Variants in NEGR1 observed in about 807,000 individuals in gnomAD.
NEGR1 encodes neuronal growth regulator 1, also known as IgLON family member 4.
Under a neutral mutation model 40.9 loss-of-function variants are expected in NEGR1, and 10 were observed. The observed-to-expected ratio is 0.24, with a 90% CI of 0.15 to 0.42. NEGR1 has a LOEUF of 0.42. NEGR1 is among the 10% of genes least tolerant of loss of function. The pLI is 1.00. For synonymous variants in NEGR1, 185 were observed against 166.8 expected, an observed-to-expected ratio of 1.11 and a Z score of -0.84; for missense variants, 352 against 438.9, an observed-to-expected ratio of 0.80 and a Z score of 1.77.
intron 1 of NEGR1, among the ~76,000 whole-genome samples, chr1:72,031,777 G>T (rs1646860793): frequency 6.6e-6 from 1 of 152,114 alleles, no homozygotes; most frequent in African/African-American, 2.4e-5. Context: ...TGGCAGAAAG[G>T]GTCTGAAGGG....
chr1:71,583,004 T>G (rs1570063761), intron 6 of NEGR1, among the ~76,000 whole-genome samples: 1 of 152,146 alleles, frequency 6.6e-6, no homozygotes, highest in East Asian at 1.9e-4. Flanking sequence ...TTTGGTTCCG[T>G]TCTGAATCTA....
chr1:72,020,817 T>G (rs1646749928), intron 1 of NEGR1, among the ~76,000 whole-genome samples: 1 of 152,226 alleles, frequency 6.6e-6, no homozygotes, highest in Admixed American at 6.5e-5. Context: ...ATTTAAATGA[T>G]GTAGCTATTA....
chr1:71,743,750 AGT>A (rs1403463962), intron 3 of NEGR1, among the ~76,000 whole-genome samples: 2 of 152,050 alleles, frequency 1.3e-5, no homozygotes, highest in East Asian at 3.9e-4. Context: ...TGCCTTTCTG[AGT>A]GTCTTTCTGC....
intron 1 of NEGR1, among the ~76,000 whole-genome samples, chr1:71,978,273 G>C (rs1396845171): frequency 3.3e-5 from 5 of 152,114 alleles, no homozygotes; most frequent in African/African-American, 1.2e-4. Context: ...TGTTCTCTTT[G>C]AGTGAACAAG....
chr1:71,583,717 T>C (rs1033762952), intron 6 of NEGR1, among the ~76,000 whole-genome samples: 3 of 152,224 alleles, frequency 2.0e-5, no homozygotes, highest in Admixed American at 6.5e-5. Context: ...AATACTATTA[T>C]TCTGCCCGTT....
chr1:71,550,432 G>A (rs1517759), intron 6 of NEGR1, among the ~76,000 whole-genome samples: 81,037 of 151,212 alleles, frequency 0.54, 25,426 homozygotes, highest in Non-Finnish European at 0.72. Context: ...CTTGCTCCTG[G>A]CAAGGTTCAG....
chr1:71,423,290 G>C (rs1320677791), intron 6 of NEGR1, among the ~76,000 whole-genome samples: 1 of 152,160 alleles, frequency 6.6e-6, no homozygotes, highest in Non-Finnish European at 1.5e-5. Context: ...AGCTACTTAA[G>C]AGGCTGTGGT....
intron 1 of NEGR1, among the ~76,000 whole-genome samples, chr1:72,030,358 C>G (rs1047400288): frequency 1.3e-5 from 2 of 152,016 alleles, no homozygotes; most frequent in African/African-American, 2.4e-5. Context: ...AGGTGCCCAC[C>G]ACCATGCCCG....
chr1:71,773,167 A>C (rs11209842), intron 3 of NEGR1, among the ~76,000 whole-genome samples: 112,896 of 151,458 alleles, frequency 0.75, 43,989 homozygotes, highest in East Asian at 0.86. Context: ...AGCTGTATGG[A>C]GCTATCATCC....
At chr1:71,730,894 G>T (rs2101663929) in intron 3 of NEGR1, among the ~76,000 whole-genome samples, 1 of 149,272 alleles carries the variant, frequency 6.7e-6, no homozygotes, top group Non-Finnish European at 1.5e-5. Context: ...GTGTGTGTGT[G>T]TGTGTGTGTG....
rs749144781 is a variant in NEGR1, at chr1:71,984,853, G to A, written c.177-49542C>T. 7.2e-5 allele frequency among the ~76,000 whole-genome samples: 11 copies of A among 152,008 alleles called. 1 individual carries two copies. The highest frequency in any genetic ancestry group is 1.5e-4 in the Non-Finnish European group (10 of 67,994). ...TTTTTAGCTGTATAAACTTAAGCAT[G>A]ATTTTACTAATAAGAATAATGATAT... is the stretch of plus-strand genomic sequence containing the variant. On this transcript the variant is annotated intron_variant, in intron 1 of 6. Transcript: ENST00000357731.
chr1:72,134,715 T>C (rs1650386488), intron 1 of NEGR1, among the ~76,000 whole-genome samples: 2 of 150,898 alleles, frequency 1.3e-5, no homozygotes, highest in African/African-American at 4.9e-5. Context: ...AAGTAAAAGA[T>C]ATTTAATTTA....
chr1:71,821,813 A>G (rs916988502), intron 2 of NEGR1, among the ~76,000 whole-genome samples: 1 of 152,002 alleles, frequency 6.6e-6, no homozygotes, highest in Non-Finnish European at 1.5e-5. Context: ...CCAAACGATG[A>G]TTATCAGAAA....
At chr1:71,728,629 T>C (rs1335890051) in intron 3 of NEGR1, among the ~76,000 whole-genome samples, 3 of 152,338 alleles carry the variant, frequency 2.0e-5, no homozygotes, top group East Asian at 3.9e-4. Flanking sequence ...GGAACTTTAC[T>C]GGCTGTGTGA....
intron 3 of NEGR1, among the ~76,000 whole-genome samples, chr1:71,726,578 T>C (rs1654681365): frequency 6.6e-6 from 1 of 152,142 alleles, no homozygotes; most frequent in African/African-American, 2.4e-5. Context: ...AGGTTCTCTC[T>C]ACGTGATTGT....
At chr1:72,050,394 G>A (rs1017003965) in intron 1 of NEGR1, among the ~76,000 whole-genome samples, 6 of 151,322 alleles carry the variant, frequency 4.0e-5, no homozygotes, top group Non-Finnish European at 7.4e-5. Context: ...AATTTTAAAC[G>A]AAGATTTGAA....
intron 3 of NEGR1, among the ~76,000 whole-genome samples, chr1:71,726,946 C>T (rs771559065): frequency 2.0e-5 from 3 of 152,134 alleles, no homozygotes; most frequent in East Asian, 1.9e-4. Context: ...TGTTACTCTA[C>T]GTGACCTAAT....
chr1:71,730,511 A>T (rs904263025), intron 3 of NEGR1, among the ~76,000 whole-genome samples: 1 of 147,910 alleles, frequency 6.8e-6, no homozygotes, highest in Admixed American at 6.8e-5. Context: ...TATTGAATAT[A>T]TATGTTTTAT....
chr1:72,114,520 G>C (rs893824531), intron 1 of NEGR1, among the ~76,000 whole-genome samples: 2 of 151,636 alleles, frequency 1.3e-5, no homozygotes, highest in Non-Finnish European at 2.9e-5. Context: ...ATAGAGCTCC[G>C]TTTCTCTTAC....
Sources: gnomAD v4.1 joint callset for allele counts (sites outside exome capture counted in the v4.1 genomes callset) on GRCh38, gnomAD v4.1.1 for gene constraint, MANE v1.5 for transcripts, NCBI Gene and HGNC (gene_info 2026-07-23, HGNC 2026-07-21) for gene names.